PLCB1: variants seen among roughly 807,000 people sequenced by gnomAD.
PLCB1 encodes the protein phospholipase C beta 1.
Under a neutral mutation model 161.8 loss-of-function variants are expected in PLCB1, and 46 were observed. The observed-to-expected ratio is 0.28, with a 90% CI of 0.22 to 0.36. The LOEUF (loss-of-function observed/expected upper bound fraction) is 0.36, where lower values mean the gene tolerates loss of function less well. PLCB1 is among the 10% of genes least tolerant of loss of function. The pLI, the probability that PLCB1 is intolerant of heterozygous loss-of-function variation, is 1.00. For synonymous variants in PLCB1, 517 were observed against 503.7 expected, an observed-to-expected ratio of 1.03 and a Z score of -0.35; for missense variants, 1,016 against 1,472.5, an observed-to-expected ratio of 0.69 and a Z score of 5.07.
intron 3 of PLCB1, among the ~76,000 whole-genome samples, chr20:8,435,671 G>A (rs545827926): frequency 7.9e-5 from 12 of 152,276 alleles, no homozygotes; most frequent in African/African-American, 2.9e-4. Flanking sequence ...ACCTGAATGA[G>A]CTTGGAAGTG....
At chr20:8,868,030 G>A (rs6056216) in intron 31 of PLCB1, among the ~76,000 whole-genome samples, 50,369 of 151,928 alleles carry the variant, frequency 0.33, 8,512 homozygotes, top group Middle Eastern at 0.49. Context: ...TTACTAGGTT[G>A]GTTATAACCC....
chr20:8,409,271 A>G (rs1000131529), intron 3 of PLCB1, among the ~76,000 whole-genome samples: 2 of 152,138 alleles, frequency 1.3e-5, no homozygotes. Flanking sequence ...GTCTTGATGG[A>G]ATTAAAGACC....
At chr20:8,192,828 A>G (rs773813279) in intron 2 of PLCB1, among the ~76,000 whole-genome samples, 12 of 152,040 alleles carry the variant, frequency 7.9e-5, no homozygotes, top group Non-Finnish European at 1.5e-4. Flanking sequence ...GGAGTGGCCA[A>G]ATATGGAGGG....
At chr20:8,626,038 C>T (rs571365388) in intron 3 of PLCB1, among the ~76,000 whole-genome samples, 6 of 151,852 alleles carry the variant, frequency 4.0e-5, no homozygotes, top group Non-Finnish European at 7.4e-5. Context: ...CTTAGCCGGG[C>T]GTGGTGGCAC....
intron 31 of PLCB1, among the ~76,000 whole-genome samples, chr20:8,826,484 A>G (rs1242866041): frequency 3.4e-4 from 47 of 139,446 alleles, no homozygotes; most frequent in Admixed American, 5.4e-4. Context: ...CAACAGAGCG[A>G]GACTCCGTCT....
At chr20:8,690,821 A>G (rs569019768) in intron 10 of PLCB1, among the ~76,000 whole-genome samples, 105 of 152,306 alleles carry the variant, frequency 6.9e-4, no homozygotes, top group African/African-American at 2.5e-3. Flanking sequence ...TTCCTCCCAT[A>G]GTTATCTTGG....
chr20:8,518,390 A>T (rs1984221788), intron 3 of PLCB1, among the ~76,000 whole-genome samples: 2 of 152,124 alleles, frequency 1.3e-5, no homozygotes, highest in Non-Finnish European at 2.9e-5. Context: ...CTCACAAAGG[A>T]GCCTCTCAGG....
At chr20:8,840,383 C>G (rs1986453167) in intron 31 of PLCB1, among the ~76,000 whole-genome samples, 1 of 152,214 alleles carries the variant, frequency 6.6e-6, no homozygotes, top group South Asian at 2.1e-4. Flanking sequence ...AAGGGCTAGA[C>G]TGTGTGACAT....
chr20:8,358,359 C>A (rs1010521006), intron 2 of PLCB1, among the ~76,000 whole-genome samples: 15 of 152,168 alleles, frequency 9.9e-5, no homozygotes, highest in Admixed American at 8.5e-4. Flanking sequence ...AGCGATTCTT[C>A]CACGTCAGCC....
intron 29 of PLCB1, 131 bp downstream of exon 29, chr20:8,788,853 G>T (rs959199881): frequency 3.2e-6 from 2 of 631,440 alleles, no homozygotes; most frequent in Non-Finnish European, 5.5e-6. Context: ...CCTTTCAAAA[G>T]ATTCTTTTGG....
At chr20:8,741,916 G>C (rs1467783262) in intron 23 of PLCB1, among the ~76,000 whole-genome samples, 1 of 152,054 alleles carries the variant, frequency 6.6e-6, no homozygotes, top group Non-Finnish European at 1.5e-5. Flanking sequence ...AATCATTTAG[G>C]GTTTCCCTTT....
At chr20:8,861,837 TTTAA>T (rs1387367267) in intron 31 of PLCB1, among the ~76,000 whole-genome samples, 1 of 151,724 alleles carries the variant, frequency 6.6e-6, no homozygotes, top group Non-Finnish European at 1.5e-5. Context: ...ATGGAAACAA[TTTAA>T]TTAACTTGAT....
chr20:8,629,137 T>G (rs1988451230), intron 4 of PLCB1, among the ~76,000 whole-genome samples: 1 of 152,138 alleles, frequency 6.6e-6, no homozygotes. Context: ...CTCTTTAAAC[T>G]TCTTAATCCC....
intron 24 of PLCB1, among the ~76,000 whole-genome samples, chr20:8,757,778 G>A (rs1278538187): frequency 6.6e-6 from 1 of 151,916 alleles, no homozygotes; most frequent in Admixed American, 6.6e-5. Context: ...GCCTGATGCA[G>A]TTCCCAATGA....
intron 1 of PLCB1, among the ~76,000 whole-genome samples, chr20:8,149,700 T>G (rs990195369): frequency 1.3e-5 from 2 of 152,164 alleles, no homozygotes; most frequent in Non-Finnish European, 2.9e-5. Context: ...ATAATTACAA[T>G]GTATCCAAGT....
intron 3 of PLCB1, among the ~76,000 whole-genome samples, chr20:8,452,313 C>T (rs914752724): frequency 1.3e-5 from 2 of 152,082 alleles, no homozygotes; most frequent in African/African-American, 4.8e-5. Flanking sequence ...GTGATCAGGA[C>T]ACTCCCAGGA....
chr20:8,523,574 G>A (rs1031997207), intron 3 of PLCB1, among the ~76,000 whole-genome samples: 8 of 143,656 alleles, frequency 5.6e-5, no homozygotes, highest in Non-Finnish European at 7.6e-5. Context: ...GCACATGACC[G>A]TGAACGAATC....
chr20:8,255,669 A>G (rs1265885146), intron 2 of PLCB1, among the ~76,000 whole-genome samples: 1 of 152,102 alleles, frequency 6.6e-6, no homozygotes, highest in African/African-American at 2.4e-5. Context: ...TTAGGAATGT[A>G]TAAAAAATAT....
chr20:8,752,016 A>G (rs955345458), intron 23 of PLCB1: 2 of 151,988 alleles, frequency 1.3e-5, no homozygotes, highest in East Asian at 1.9e-4. Context: ...AGAAAGTTCA[A>G]TTTTAGTATT....
Sources: allele counts gnomAD v4.1 joint callset (sites outside exome capture counted in the v4.1 genomes callset), GRCh38; gene constraint gnomAD v4.1.1; transcripts MANE v1.5; gene names NCBI Gene and HGNC (gene_info 2026-07-23, HGNC 2026-07-21).